Variants in RALGAPA2 observed in about 807,000 individuals in gnomAD.
RALGAPA2 encodes the protein ral GTPase-activating protein subunit alpha-2.
In RALGAPA2, 139 loss-of-function variants were observed where a neutral mutation model predicts 230.4. The observed-to-expected ratio is 0.60, with a 90% CI of 0.53 to 0.69. RALGAPA2 has a LOEUF of 0.69. Among genes scored for constraint, RALGAPA2 ranks in the 30% least tolerant of loss-of-function variants. RALGAPA2 has a pLI of 0.00. For synonymous variants in RALGAPA2, 847 were observed against 837.8 expected, an observed-to-expected ratio of 1.01 and a Z score of -0.19; for missense variants, 2,163 against 2,276.0, an observed-to-expected ratio of 0.95 and a Z score of 1.01.
chr20:20,508,126 C>T (rs1170497536), intron 33 of RALGAPA2, among the ~76,000 whole-genome samples: 3 of 152,132 alleles, frequency 2.0e-5, no homozygotes, highest in Non-Finnish European at 4.4e-5. Context: ...ATGGGCTGAC[C>T]AATGTGAGTG....
At chr20:20,689,440 A>C (rs2068822678) in intron 1 of RALGAPA2, among the ~76,000 whole-genome samples, 1 of 152,164 alleles carries the variant, frequency 6.6e-6, no homozygotes, top group Admixed American at 6.5e-5. Flanking sequence ...TCAAAAGGTC[A>C]AGATCATCCT....
At chr20:20,465,193 A>T (rs1204666182) in intron 37 of RALGAPA2, among the ~76,000 whole-genome samples, 4 of 147,948 alleles carry the variant, frequency 2.7e-5, no homozygotes, top group African/African-American at 1.1e-4. Flanking sequence ...ACACACACAC[A>T]CACACTCTCT....
At position 20,472,929 on chromosome 20, in the gene RALGAPA2, C is replaced by T. The variant is rs930270087; in HGVS notation, c.5395G>A (p.Gly1799Arg). The T allele has an allele frequency of 6.2e-7, 1 of 1,605,134 alleles. No homozygotes were observed. The change falls in exon 37 of 40, where the codon GGA (glycine) becomes AGA (arginine). Residue 1799 changes from glycine (G) to arginine (R), a missense_variant. Physicochemically the swap from Gly to Arg is moderately radical, Grantham distance 125. Transcript: ENST00000202677. Reference protein sequence around the residue: ...EVPFFGPLFDGAIVSGKLLPS... With the variant: ...EVPFFGPLFDRAIVSGKLLPS... ...AGCAGCTTCCCACTCACTATGGCTCCATCAAACAGAGGCCCAAAAAATGGA... is the reference window on the plus strand; with the variant it reads ...AGCAGCTTCCCACTCACTATGGCTCTATCAAACAGAGGCCCAAAAAATGGA...
At chr20:20,613,157 T>C (rs1371649768) in intron 13 of RALGAPA2, among the ~76,000 whole-genome samples, 3 of 152,232 alleles carry the variant, frequency 2.0e-5, no homozygotes, top group Admixed American at 6.5e-5. Flanking sequence ...ATTCACAACC[T>C]GCCAAAGCTG....
At chr20:20,405,011 C>T (rs1463483170) in intron 38 of RALGAPA2, among the ~76,000 whole-genome samples, 2 of 152,242 alleles carry the variant, frequency 1.3e-5, no homozygotes, top group East Asian at 3.8e-4. Flanking sequence ...TCTCTCTGCT[C>T]TTCTCACATT....
At chr20:20,583,000 T>C in intron 20 of RALGAPA2, 50 bp downstream of exon 20, 4 of 1,567,624 alleles carry the variant, frequency 2.6e-6, no homozygotes, top group Non-Finnish European at 3.5e-6. Flanking sequence ...GATTCACAAC[T>C]GATCTCCCAG....
intron 23 of RALGAPA2, among the ~76,000 whole-genome samples, chr20:20,567,057 T>C (rs2064452882): frequency 2.0e-5 from 3 of 152,256 alleles, no homozygotes; most frequent in African/African-American, 7.2e-5. Context: ...AAAGAGAATT[T>C]AACTTTGATG....
chr20:20,393,903 A>C (rs1281781589), intron 39 of RALGAPA2, among the ~76,000 whole-genome samples: 1 of 152,214 alleles, frequency 6.6e-6, no homozygotes, highest in Admixed American at 6.5e-5. Context: ...TGCAACACCA[A>C]GCCACTGTTG....
At chr20:20,514,011 T>C (rs562176174) in intron 31 of RALGAPA2, among the ~76,000 whole-genome samples, 51 of 152,198 alleles carry the variant, frequency 3.4e-4, no homozygotes, top group Admixed American at 3.3e-4. Context: ...CCTGAGATCA[T>C]GGTGCAGCAG....
At chr20:20,524,943 G>C (rs2063156107) in intron 28 of RALGAPA2, 45 bp from the exon 29 acceptor site, 1 of 1,519,740 alleles carries the variant, frequency 6.6e-7, no homozygotes, top group African/African-American at 1.4e-5. Context: ...ATATTTGTAA[G>C]CCTTTGTAAG....
At chr20:20,599,438 A>G (rs1200871442) in intron 16 of RALGAPA2, among the ~76,000 whole-genome samples, 1 of 152,232 alleles carries the variant, frequency 6.6e-6, no homozygotes, top group Non-Finnish European at 1.5e-5. Flanking sequence ...TTTTCTATAT[A>G]CTGCTAGTCA....
intron 12 of RALGAPA2, among the ~76,000 whole-genome samples, chr20:20,617,751 C>T (rs1273964769): frequency 6.6e-6 from 1 of 152,130 alleles, no homozygotes; most frequent in Non-Finnish European, 1.5e-5. Context: ...ATCTCTTGAA[C>T]ATCTGAGACA....
intron 34 of RALGAPA2, 46 bp from the exon 35 acceptor site, chr20:20,503,552 T>G: frequency 1.4e-6 from 2 of 1,431,688 alleles, no homozygotes; most frequent in African/African-American, 2.9e-5. Context: ...AAAAATGAGC[T>G]GCTCTTTCAC....
chr20:20,455,424 G>C (rs2061091791), intron 37 of RALGAPA2, among the ~76,000 whole-genome samples: 1 of 152,190 alleles, frequency 6.6e-6, no homozygotes, highest in Non-Finnish European at 1.5e-5. Context: ...CGGGCCAAAG[G>C]CTGGAATGTC....
intron 20 of RALGAPA2, among the ~76,000 whole-genome samples, chr20:20,575,927 G>A (rs909894731): frequency 2.6e-5 from 4 of 151,980 alleles, no homozygotes; most frequent in African/African-American, 4.8e-5. Context: ...GAGAATAAGT[G>A]GGGCTATTTG....
chr20:20,576,519 C>T (rs2064823783), intron 20 of RALGAPA2, among the ~76,000 whole-genome samples: 1 of 151,998 alleles, frequency 6.6e-6, no homozygotes, highest in Non-Finnish European at 1.5e-5. Flanking sequence ...TCTCTTAGCC[C>T]TGATGTATGA....
chr20:20,594,787 G>T (rs1471991251), intron 16 of RALGAPA2, among the ~76,000 whole-genome samples: 1 of 142,016 alleles, frequency 7.0e-6, no homozygotes, highest in Non-Finnish European at 1.5e-5. Flanking sequence ...GGAGCACAAT[G>T]GCGTGATCTT....
At chr20:20,498,042 C>T (rs140224571) in intron 35 of RALGAPA2, among the ~76,000 whole-genome samples, 8 of 152,314 alleles carry the variant, frequency 5.3e-5, no homozygotes, top group African/African-American at 1.9e-4. Context: ...GGCAAACTGT[C>T]AACCATGTCA....
chr20:20,685,219 C>T (rs1021474270), intron 1 of RALGAPA2, among the ~76,000 whole-genome samples: 1 of 151,828 alleles, frequency 6.6e-6, no homozygotes, highest in Non-Finnish European at 1.5e-5. Context: ...CTATCCATGT[C>T]AACAAGTGCG....
Sources: allele counts gnomAD v4.1 joint callset (sites outside exome capture counted in the v4.1 genomes callset), GRCh38; gene constraint gnomAD v4.1.1; transcripts MANE v1.5; gene names NCBI Gene and HGNC (gene_info 2026-07-23, HGNC 2026-07-21).